The following XNDC1N variants were observed in gnomAD, a reference collection of about 807,000 sequenced individuals.
The protein encoded by XNDC1N is protein XNDC1N.
At chr11:71,899,926 A>C in the XNDC1N span, among the ~76,000 whole-genome samples, 5 of 152,344 alleles carry the variant, frequency 3.3e-5, no homozygotes, top group South Asian at 1.0e-3. Context: ...CCGATTGTAC[A>C]TTTGTTCAAT....
the XNDC1N span, among the ~76,000 whole-genome samples, chr11:71,880,311 G>A: frequency 6.6e-6 from 1 of 152,108 alleles, no homozygotes; most frequent in Non-Finnish European, 1.5e-5. Flanking sequence ...GCATATGGTT[G>A]TTTATAACAG....
chr11:71,919,564 AT>A, the XNDC1N span, among the ~76,000 whole-genome samples: 1 of 134,802 alleles, frequency 7.4e-6, no homozygotes, highest in Admixed American at 7.3e-5. Flanking sequence ...ATTTTTTTGT[AT>A]TTTTAGTAGA....
the XNDC1N span, among the ~76,000 whole-genome samples, chr11:71,901,585 C>T: frequency 2.6e-5 from 4 of 151,574 alleles, no homozygotes; most frequent in African/African-American, 4.9e-5. Context: ...GGCAACAGAA[C>T]GAGACTCCAT....
the XNDC1N span, among the ~76,000 whole-genome samples, chr11:71,876,962 G>A: frequency 2.6e-5 from 4 of 152,208 alleles, no homozygotes; most frequent in African/African-American, 9.7e-5. Context: ...TTGTGCCCAG[G>A]CACCGCTGCC....
At chr11:71,872,722 C>T in the XNDC1N span, among the ~76,000 whole-genome samples, 3,808 of 151,904 alleles carry the variant, frequency 0.025, 55 homozygotes, top group East Asian at 0.077. Flanking sequence ...AGCAAGACTC[C>T]GTCTCAAAAA....
At chr11:71,874,674 C>A in the XNDC1N span, among the ~76,000 whole-genome samples, 9,215 of 152,204 alleles carry the variant, frequency 0.061, 434 homozygotes, top group East Asian at 0.15. Context: ...AGAGAGACAG[C>A]AACCTTGTGC....
chr11:71,906,358 A>G, the XNDC1N span, among the ~76,000 whole-genome samples: 1 of 152,022 alleles, frequency 6.6e-6, no homozygotes, highest in South Asian at 2.1e-4. Context: ...ATCATGAATA[A>G]TATCACAATG....
chr11:71,908,132 C>T, the XNDC1N span, among the ~76,000 whole-genome samples: 1,069 of 151,918 alleles, frequency 7.0e-3, 10 homozygotes, highest in African/African-American at 0.015. Flanking sequence ...GGTATTAGGG[C>T]GTAATATTAG....
the XNDC1N span, chr11:71,914,557 C>T: frequency 8.5e-6 from 3 of 351,006 alleles, no homozygotes; most frequent in East Asian, 7.7e-5. Context: ...TGTGGTGCTG[C>T]GTGTCTGTAA....
chr11:71,872,735 C>CA, the XNDC1N span, among the ~76,000 whole-genome samples: 1 of 151,650 alleles, frequency 6.6e-6, no homozygotes, highest in Non-Finnish European at 1.5e-5. Context: ...CTCAAAAAAA[C>CA]AAAAAAAGAA....
At chr11:71,877,628 ACT>A in the XNDC1N span, among the ~76,000 whole-genome samples, 1 of 152,148 alleles carries the variant, frequency 6.6e-6, no homozygotes, top group Non-Finnish European at 1.5e-5. Context: ...ACTGTGTGAG[ACT>A]CTGTCTCTAA....
the XNDC1N span, among the ~76,000 whole-genome samples, chr11:71,911,128 C>T: frequency 2.0e-5 from 3 of 152,228 alleles, no homozygotes; most frequent in Admixed American, 2.0e-4. Flanking sequence ...TTGGCAGCAA[C>T]TGCCCTGCAA....
the XNDC1N span, among the ~76,000 whole-genome samples, chr11:71,873,089 C>T: frequency 1.3e-5 from 2 of 151,952 alleles, no homozygotes; most frequent in Non-Finnish European, 2.9e-5. Context: ...TACAATGTTT[C>T]TTGCTTTGTT....
At chr11:71,879,286 T>A in the XNDC1N span, among the ~76,000 whole-genome samples, 1 of 63,426 alleles carries the variant, frequency 1.6e-5, no homozygotes, top group African/African-American at 3.4e-5. Flanking sequence ...ACTTTTTGTA[T>A]GGTGAGAGTT....
chr11:71,901,769 C>A, the XNDC1N span, among the ~76,000 whole-genome samples: 1 of 152,048 alleles, frequency 6.6e-6, no homozygotes, highest in Non-Finnish European at 1.5e-5. Flanking sequence ...AGACTCACCA[C>A]TCTCATCTGA....
chr11:71,918,500 T>TGAGAG, the XNDC1N span, among the ~76,000 whole-genome samples: 1 of 152,134 alleles, frequency 6.6e-6, no homozygotes, highest in South Asian at 2.1e-4. Context: ...CAGGCTGATC[T>TGAGAG]CACACTCCTG....
chr11:71,881,403 A>G, the XNDC1N span, among the ~76,000 whole-genome samples: 2 of 152,162 alleles, frequency 1.3e-5, no homozygotes, highest in Admixed American at 6.5e-5. Flanking sequence ...TAAATAACAA[A>G]AGTTCATTTT....
the XNDC1N span, among the ~76,000 whole-genome samples, chr11:71,883,451 A>T: frequency 2.0e-5 from 3 of 152,232 alleles, no homozygotes; most frequent in African/African-American, 7.2e-5. Context: ...TATAAAGTCA[A>T]CTGGCCTTCA....
the XNDC1N span, chr11:71,884,601 A>G: frequency 6.4e-7 from 1 of 1,562,906 alleles, no homozygotes; most frequent in Non-Finnish European, 8.7e-7. Flanking sequence ...AGGAGAAAAA[A>G]CATGTCTTAA....
Sources: allele counts gnomAD v4.1 joint callset (sites outside exome capture counted in the v4.1 genomes callset), GRCh38; gene constraint gnomAD v4.1.1; transcripts MANE v1.5; gene names NCBI Gene and HGNC (gene_info 2026-07-23, HGNC 2026-07-21).